BDP1: variants seen among roughly 807,000 people sequenced by gnomAD.
BDP1 encodes the protein BDP1 general transcription factor IIIB subunit.
BDP1 carries 169 observed loss-of-function variants against 266.6 expected under a neutral mutation model. That is an observed-to-expected ratio of 0.63 (90% CI 0.56 to 0.72). The LOEUF is 0.72. Among genes scored for constraint, BDP1 ranks in the 30% least tolerant of loss-of-function variants. BDP1 has a pLI of 0.00. For missense variants in BDP1, 3,015 were observed against 3,053.8 expected (o/e 0.99, Z 0.30); for synonymous variants, 1,090 against 1,022.4 (o/e 1.07, Z -1.26).
rs1272485581 is a variant in BDP1, at chr5:71,545,120, C to A, written c.6645C>A (p.Cys2215Ter). 1.2e-6 allele frequency: 2 copies of A among 1,613,600 alleles called. No individual in the cohort carries two copies. Among genetic ancestry groups the A allele is most frequent in the African/African-American group, 2.7e-5 (2 of 74,804 alleles). ...APVASSETGP[C>*]TLGLDRGLGE... ...TTGCTTCCTCTGAGACAGGGCCCTG[C>A]ACACTTGGTTTGGATAGGGGTCTTG... is the stretch of plus-strand genomic sequence containing the variant. Residue 2215 changes from cysteine to a stop codon, truncating the protein, a stop_gained, in exon 32 of 39, where the codon TGC becomes TGA. Transcript: ENST00000358731. LOFTEE classifies it high-confidence loss of function.
intron 7 of BDP1, among the ~76,000 whole-genome samples, chr5:71,470,912 TATG>T (rs1762203431): frequency 6.6e-6 from 1 of 151,676 alleles, no homozygotes; most frequent in Non-Finnish European, 1.5e-5. Flanking sequence ...TTTAAACTGT[TATG>T]ATGGTTTTGT....
intron 22 of BDP1, among the ~76,000 whole-genome samples, chr5:71,519,589 C>T (rs935063730): frequency 1.3e-5 from 2 of 152,204 alleles, no homozygotes; most frequent in South Asian, 2.1e-4. Context: ...GCTTATTTCA[C>T]CTAACATAAT....
intron 16 of BDP1, among the ~76,000 whole-genome samples, chr5:71,508,505 C>T (rs1434433606): frequency 1.3e-5 from 2 of 151,328 alleles, no homozygotes; most frequent in Non-Finnish European, 2.9e-5. Flanking sequence ...GGATTTCTAC[C>T]AAAAACTCAT....
intron 3 of BDP1, 71 bp from the exon 4 acceptor site, chr5:71,463,987 T>C (rs1368862813): frequency 7.9e-6 from 7 of 889,696 alleles, no homozygotes; most frequent in Non-Finnish European, 1.2e-5. Flanking sequence ...AATTTTCTTC[T>C]TGCCTACAGA....
intron 32 of BDP1, among the ~76,000 whole-genome samples, chr5:71,547,522 A>G (rs965284949): frequency 6.6e-6 from 1 of 152,214 alleles, no homozygotes; most frequent in Non-Finnish European, 1.5e-5. Flanking sequence ...TTATAATGGC[A>G]TCTTTTCCAT....
In BDP1 at chr5:71,545,106, G is replaced by A; in HGVS notation, c.6631G>A (p.Glu2211Lys). The change falls in exon 32 of 39, where the codon GAG becomes AAG. Residue 2211 changes from glutamate (E) to lysine (K), a missense_variant. Coordinates refer to ENST00000358731, the MANE Select transcript of BDP1 (RefSeq NM_018429.3). ...MLSVAPVASS[E>K]TGPCTLGLDR... ...GTCAGTTGCTCCAGTTGCTTCCTCT[G>A]AGACAGGGCCCTGCACACTTGGTTT... 1 of 1,613,672 alleles carries A rather than the reference G, an allele frequency of 6.2e-7. No individual in the cohort carries two copies. Among genetic ancestry groups the A allele is most frequent in the Non-Finnish European group, 8.5e-7 (1 of 1,179,856 alleles).
At position 71,560,177 on chromosome 5, in the gene BDP1, C is replaced by G. The variant is rs1438039594; in HGVS notation, c.7436C>G (p.Ala2479Gly). 2 of 1,614,150 alleles carry G rather than the reference C, an allele frequency of 1.2e-6. No homozygotes were observed. Among genetic ancestry groups the G allele is most frequent in the East Asian group, 4.5e-5 (2 of 44,880 alleles). The change falls in exon 37 of 39, where the codon GCT becomes GGT. Residue 2479 changes from alanine to glycine, a missense_variant. Around this residue, in one of 3 missense-constraint regions of BDP1, gnomAD observed 629 missense variants for 632.5 expected, o/e 0.99. Coordinates refer to ENST00000358731, the MANE Select transcript of BDP1 (RefSeq NM_018429.3). Reference sequence around the variant, plus strand: ...TCTGATAAGGAAGAAAGAACTGATGCTGCTCCTAAGTCTCAGCAAATGGAT... The same window carrying G: ...TCTGATAAGGAAGAAAGAACTGATGGTGCTCCTAAGTCTCAGCAAATGGAT... The part of the protein sequence containing the change: ...IVSDKEERTD[A>G]APKSQQMDSR...
intron 17 of BDP1, chr5:71,511,381 G>A (rs1452515296): frequency 2.2e-6 from 1 of 463,244 alleles, no homozygotes; most frequent in Non-Finnish European, 3.7e-6. Context: ...ACTTTGGGAG[G>A]CCAAGGTGGA....
intron 35 of BDP1, 58 bp downstream of exon 35, chr5:71,553,378 A>G (rs1175197779): frequency 1.7e-6 from 2 of 1,188,430 alleles, no homozygotes; most frequent in Non-Finnish European, 2.4e-6. Context: ...GCCATATTGC[A>G]ACAGATCTGT....
intron 7 of BDP1, among the ~76,000 whole-genome samples, chr5:71,481,893 T>C (rs753247651): frequency 4.6e-5 from 7 of 152,216 alleles, no homozygotes; most frequent in Admixed American, 1.3e-4. Context: ...ATACAGTGGC[T>C]GCTTTAATGC....
chr5:71,543,356 G>A (rs1289817861), intron 30 of BDP1, among the ~76,000 whole-genome samples: 1 of 152,222 alleles, frequency 6.6e-6, no homozygotes, highest in East Asian at 1.9e-4. Flanking sequence ...AGCCCTTTGG[G>A]AGGCAGAGGC....
chr5:71,519,772 C>T (rs886184105), intron 22 of BDP1, among the ~76,000 whole-genome samples: 13 of 152,204 alleles, frequency 8.5e-5, no homozygotes, highest in Non-Finnish European at 1.9e-4. Flanking sequence ...CTGCAGTAAA[C>T]ATGAGAGTTC....
intron 13 of BDP1, among the ~76,000 whole-genome samples, chr5:71,499,692 A>T (rs923948885): frequency 2.0e-5 from 3 of 152,126 alleles, no homozygotes; most frequent in African/African-American, 7.2e-5. Flanking sequence ...GGTCCAATTG[A>T]TCTTTTTAAT....
intron 5 of BDP1, among the ~76,000 whole-genome samples, chr5:71,467,007 CA>C (rs1761946727): frequency 6.6e-6 from 1 of 152,060 alleles, no homozygotes; most frequent in South Asian, 2.1e-4. Context: ...TTGTGTTTTT[CA>C]AAATTTCCAT....
chr5:71,486,289 T>G (rs1361951849), intron 8 of BDP1, among the ~76,000 whole-genome samples, 195 bp from the exon 9 acceptor site: 2 of 152,136 alleles, frequency 1.3e-5, no homozygotes, highest in South Asian at 2.1e-4. Context: ...CTGAGTGGTG[T>G]TCTGATGTGA....
Position 71,548,640 on chromosome 5 carries a change from AT to A in BDP1, c.6745-39del, listed in dbSNP as rs1261000548. The A allele has an allele frequency of 3.1e-6, 4 of 1,304,450 alleles. No individual in the cohort carries two copies. In the East Asian group the frequency reaches 6.9e-5, roughly 23 times the overall value. 80.8% of individuals were successfully genotyped at this position (1,304,450 alleles called of 1,614,324 possible). A position where few individuals can be genotyped will look rare whatever the true frequency, so the allele number is the denominator to read the frequency against. On this transcript the variant is annotated intron_variant, in intron 32 of 38. Coordinates refer to ENST00000358731, the MANE Select transcript of BDP1 (RefSeq NM_018429.3). ...ACAGGAATAACTTTTTAAATGTAAGATTTGGCCAACCTGACTCTTTCATTTT... is the reference window on the plus strand; with the variant it reads ...ACAGGAATAACTTTTTAAATGTAAGATTGGCCAACCTGACTCTTTCATTTT...
intron 27 of BDP1, among the ~76,000 whole-genome samples, chr5:71,539,295 ATCT>A (rs1766815616): frequency 6.6e-6 from 1 of 152,182 alleles, no homozygotes; most frequent in Non-Finnish European, 1.5e-5. Context: ...TTTCCTCTGG[ATCT>A]TCACAAATGG....
In BDP1 at chr5:71,565,578, G is replaced by A. The variant is rs1312881481; in HGVS notation, c.*693G>A. ...ACACATTGTAGAGGTTTGTAGCCGA[G>A]GAGCAATAGGCTATACCACATAGCC... is the stretch of plus-strand genomic sequence containing the variant. On this transcript the variant is annotated 3_prime_UTR_variant, in exon 39 of 39. Coordinates refer to ENST00000358731, the MANE Select transcript of BDP1 (RefSeq NM_018429.3). 6.6e-6 allele frequency: 1 copy of A among 152,458 alleles called. No individual in the cohort carries two copies. The highest frequency in any genetic ancestry group is 1.5e-5 in the Non-Finnish European group (1 of 68,256). 9.4% of individuals were successfully genotyped at this position (152,458 alleles called of 1,614,324 possible). A position where few individuals can be genotyped will look rare whatever the true frequency, so the allele number is the denominator to read the frequency against.
Position 71,524,009 on chromosome 5 carries a change from A to G in BDP1, c.5458A>G (p.Thr1820Ala), listed in dbSNP as rs1429006751. The G allele has an allele frequency of 1.2e-6, 2 of 1,614,200 alleles. No homozygotes were observed. Among genetic ancestry groups the G allele is most frequent in the East Asian group, 2.2e-5 (1 of 44,878 alleles). The change falls in exon 25 of 39, where the codon ACA becomes GCA. Residue 1820 changes from threonine (T) to alanine (A), a missense_variant. Around this residue, in one of 3 missense-constraint regions of BDP1, gnomAD observed 2,383 missense variants for 2,404.9 expected, o/e 0.99. Coordinates refer to ENST00000358731, the MANE Select transcript of BDP1 (RefSeq NM_018429.3). The stretch of plus-strand genomic sequence containing the variant: ...GGATGGGAAAACAACTATCTCTTCT[A>G]CATCTGAGTATGAGAGAAATCGTGG... ...ALDGKTTISS[T>A]SEYERNRGER...
Sources: gnomAD v4.1 joint callset for allele counts (sites outside exome capture counted in the v4.1 genomes callset) on GRCh38, gnomAD v4.1.1 for gene constraint, gnomAD v4.1.1 regional missense constraint, MANE v1.5 for transcripts, NCBI Gene and HGNC (gene_info 2026-07-23, HGNC 2026-07-21) for gene names.